MTTP: variants seen among roughly 807,000 people sequenced by gnomAD.
The protein encoded by MTTP is microsomal triglyceride transfer protein large subunit.
Under a neutral mutation model 90.6 loss-of-function variants are expected in MTTP, and 49 were observed. That is an observed-to-expected ratio of 0.54 (90% CI 0.43 to 0.69). The LOEUF (loss-of-function observed/expected upper bound fraction) is 0.69, where lower values mean the gene tolerates loss of function less well. Ranked by LOEUF, MTTP falls within the 30% of genes least tolerant of loss-of-function variation. The probability of loss-of-function intolerance (pLI) is 0.00; values close to 1 mark genes in which losing one functional copy is unlikely to be tolerated. For missense variants in MTTP, 945 were observed against 1,067.5 expected (o/e 0.89, Z 1.60); for synonymous variants, 347 against 384.2 (o/e 0.90, Z 1.13).
chr4:99,611,331 G>C lies in MTTP; in HGVS notation c.1868-1G>C. 1 of 1,614,048 alleles carries C rather than the reference G, an allele frequency of 6.2e-7. No homozygotes were observed. The highest frequency in any genetic ancestry group is 8.5e-7 in the Non-Finnish European group (1 of 1,179,966). ...AAATTACAGTTATTGTGTGTCATCA[G>C]GTAGTCCCCGTTCGGCATCTACTTA... On this transcript the variant is annotated splice_acceptor_variant, in intron 13 of 17. Transcript: ENST00000265517. LOFTEE classifies it high-confidence loss of function.
At position 99,600,574 on chromosome 4, in the gene MTTP, G is replaced by C. The variant is rs766343285; in HGVS notation, c.1077G>C (p.Leu359=). ...ATGCCTTTTTTTATAGACCTCAGCT[G>C]GTGGATGCTGTCACCTCTGCTCAGA... ...KMENKEVLPQ[L]VDAVTSAQTS... The change falls in exon 9 of 18, where the codon CTG becomes CTC. Residue 359 remains leucine, a synonymous_variant. Coordinates refer to ENST00000265517, the MANE Select transcript of MTTP (RefSeq NM_001386140.1). 6.2e-7 allele frequency: 1 copy of C among 1,613,496 alleles called. No individual in the cohort carries two copies. The highest frequency in any genetic ancestry group is 1.7e-5 in the Admixed American group (1 of 59,984).
At chr4:99,591,870 TTGTGTG>T in intron 6 of MTTP, 80 bp downstream of exon 6, 9 of 1,230,668 alleles carry the variant, frequency 7.3e-6, no homozygotes, top group East Asian at 2.6e-5. Context: ...AGATCTGTGT[TTGTGTG>T]TGTGTGTGTG....
chr4:99,565,284 TAAAC>T (rs1376768649), intron 1 of MTTP, among the ~76,000 whole-genome samples: 2 of 152,222 alleles, frequency 1.3e-5, no homozygotes, highest in Admixed American at 1.3e-4. Context: ...TTAGATATTT[TAAAC>T]AAAGTTTTAA....
At chr4:99,587,521 A>G (rs1411584304) in intron 3 of MTTP, among the ~76,000 whole-genome samples, 1 of 152,184 alleles carries the variant, frequency 6.6e-6, no homozygotes, top group African/African-American at 2.4e-5. Context: ...ACTGAACCTT[A>G]TGCACAGTCC....
At position 99,582,239 on chromosome 4, in the gene MTTP, AAAGGTTTTGCT is replaced by A; in HGVS notation, c.249+148_249+158del. 3 of 850,428 alleles carry A rather than the reference AAAGGTTTTGCT, an allele frequency of 3.5e-6. No homozygotes were observed. In the South Asian group the frequency reaches 5.1e-5, roughly 14 times the overall value. The allele number at this position is 850,428 out of a possible 1,614,324, so 52.7% of individuals were successfully genotyped here. A position where few individuals can be genotyped will look rare whatever the true frequency, so the allele number is the denominator to read the frequency against. ...CTAAAACAAGCAGTTCTATGTATTT[AAAGGTTTTGCT>A]GATGAAAAGTGAACTGATCTTTCCA... On this transcript the variant is annotated intron_variant, in intron 2 of 17. Coordinates refer to ENST00000265517, the MANE Select transcript of MTTP (RefSeq NM_001386140.1).
chr4:99,570,582 A>G, upstream of MTTP: 1 of 405,268 alleles, frequency 2.5e-6, no homozygotes, highest in Non-Finnish European at 4.9e-6. Flanking sequence ...ATGGCTCCCC[A>G]AAGATCTTAA....
chr4:99,581,873 A>G, intron 1 of MTTP, 32 bp from the exon 2 acceptor site: 1 of 1,610,552 alleles, frequency 6.2e-7, no homozygotes, highest in Non-Finnish European at 8.5e-7. Context: ...CCTTACAATG[A>G]AAACTGGATA....
chr4:99,600,479 A>T, intron 8 of MTTP, 86 bp from the exon 9 acceptor site: 1 of 1,368,078 alleles, frequency 7.3e-7, no homozygotes, highest in Non-Finnish European at 1.0e-6. Flanking sequence ...GAAAACTCAA[A>T]CCAATAGAAA....
chr4:99,580,890 C>T lies in MTTP; in HGVS notation c.62-1015C>T, dbSNP rs181029735. 3.0e-4 allele frequency among the ~76,000 whole-genome samples: 45 copies of T among 152,258 alleles called. 1 individual carries two copies. Among genetic ancestry groups the T allele is most frequent in the African/African-American group, 1.1e-3 (45 of 41,556 alleles). Reference sequence around the variant, plus strand: ...CATTGCAAAGTAATTTTTGCTATCACCTTTCTCAGCTGCTTTGCTTCTTGT... The same window carrying T: ...CATTGCAAAGTAATTTTTGCTATCATCTTTCTCAGCTGCTTTGCTTCTTGT... On this transcript the variant is annotated intron_variant, in intron 1 of 17. Transcript: ENST00000265517.
intron 3 of MTTP, among the ~76,000 whole-genome samples, chr4:99,585,981 A>AG (rs1463720178): frequency 2.0e-5 from 3 of 152,146 alleles, no homozygotes; most frequent in Non-Finnish European, 4.4e-5. Flanking sequence ...GGACAGGCAG[A>AG]GTAAGGCTAT....
At chr4:99,566,254 A>C (rs926116179) in intron 1 of MTTP, among the ~76,000 whole-genome samples, 2 of 144,336 alleles carry the variant, frequency 1.4e-5, no homozygotes, top group African/African-American at 5.2e-5. Context: ...CTGCCACTGC[A>C]CTCCAGCCTG....
At chr4:99,607,140 C>G (rs900756694) in intron 11 of MTTP, among the ~76,000 whole-genome samples, 180 bp downstream of exon 11, 7 of 149,718 alleles carry the variant, frequency 4.7e-5, no homozygotes, top group African/African-American at 1.7e-4. Context: ...CACAGGGTAA[C>G]GTCCTATATC....
chr4:99,590,836 T>TAC (rs34529437), intron 4 of MTTP, among the ~76,000 whole-genome samples: 3,907 of 148,392 alleles, frequency 0.026, 55 homozygotes, highest in Non-Finnish European at 0.032. Context: ...TAGTTGAAGT[T>TAC]ACACACACAC....
In MTTP at chr4:99,601,464, GTGTCTCA is replaced by G; in HGVS notation, c.1237-142_1237-136del. The G allele has an allele frequency of 7.2e-5, 45 of 621,748 alleles. 1 individual carries two copies. The highest frequency in any genetic ancestry group is 9.6e-5 in the Non-Finnish European group (33 of 344,498). The allele number at this position is 621,748 out of a possible 1,614,324, so 38.5% of individuals were successfully genotyped here. ...TCAAAGCTAGATAGCAAATGTGTAA[GTGTCTCA>G]AAAGCAAAATTCTGAGTTTGCAATC... On this transcript the variant is annotated intron_variant, in intron 9 of 17. Transcript: ENST00000265517.
intron 1 of MTTP, 52 bp from the exon 2 acceptor site, chr4:99,581,853 C>A (rs1345184544): frequency 1.3e-6 from 2 of 1,578,158 alleles, no homozygotes; most frequent in African/African-American, 2.7e-5. Flanking sequence ...GATGGTGAGA[C>A]AGCATGTTCC....
intron 3 of MTTP, among the ~76,000 whole-genome samples, chr4:99,588,387 A>G (rs1490223501): frequency 1.3e-5 from 2 of 152,156 alleles, no homozygotes; most frequent in African/African-American, 4.8e-5. Flanking sequence ...TGTGATGCAT[A>G]TCAAGTCTAC....
chr4:99,598,726 C>G (rs1725622131), intron 8 of MTTP, among the ~76,000 whole-genome samples: 1 of 136,834 alleles, frequency 7.3e-6, no homozygotes, highest in South Asian at 2.3e-4. Context: ...TGCAATGGCG[C>G]AATCTTGGCT....
chr4:99,578,537 C>G (rs773296538), intron 1 of MTTP, among the ~76,000 whole-genome samples: 10 of 152,174 alleles, frequency 6.6e-5, no homozygotes, highest in South Asian at 2.1e-4. Flanking sequence ...AGGTAGGAAA[C>G]AGTTTGGAGG....
intron 14 of MTTP, among the ~76,000 whole-genome samples, chr4:99,611,814 C>G (rs930300187): frequency 6.6e-5 from 10 of 152,094 alleles, no homozygotes; most frequent in African/African-American, 9.7e-5. Flanking sequence ...CCTCCTCTCA[C>G]CCCCAAGTAT....
Sources: allele counts gnomAD v4.1 joint callset (sites outside exome capture counted in the v4.1 genomes callset), GRCh38; gene constraint gnomAD v4.1.1; transcripts MANE v1.5; gene names NCBI Gene and HGNC (gene_info 2026-07-23, HGNC 2026-07-21).